The following TBC1D32 variants were observed in gnomAD, a reference collection of about 807,000 sequenced individuals.
TBC1D32 encodes the protein TBC1 domain family member 32, also known as protein broad-minded.
TBC1D32 carries 151 observed loss-of-function variants against 170.3 expected under a neutral mutation model. The ratio of observed to expected loss-of-function variants is 0.89; its 90% CI spans 0.78 to 1.01. TBC1D32 has a LOEUF of 1.01. Among genes scored for constraint, TBC1D32 ranks in the 50% least tolerant of loss-of-function variants. The probability of loss-of-function intolerance (pLI) is 0.00; values close to 1 mark genes in which losing one functional copy is unlikely to be tolerated. For missense variants in TBC1D32, 1,464 were observed against 1,457.1 expected (o/e 1.00, Z -0.08); for synonymous variants, 498 against 488.0 (o/e 1.02, Z -0.27).
chr6:121,183,864 GGCT>G (rs1405325029), intron 22 of TBC1D32, among the ~76,000 whole-genome samples: 2 of 151,898 alleles, frequency 1.3e-5, no homozygotes, highest in Non-Finnish European at 2.9e-5. Context: ...ATGATTTTAT[GGCT>G]GCTATCAAAA....
At chr6:121,240,591 T>C (rs1796848184) in intron 19 of TBC1D32, among the ~76,000 whole-genome samples, 1 of 151,700 alleles carries the variant, frequency 6.6e-6, no homozygotes. Flanking sequence ...CAGATAACCT[T>C]AATATAAGAC....
At chr6:121,305,066 G>A (rs1260404572) in intron 5 of TBC1D32, among the ~76,000 whole-genome samples, 4 of 152,110 alleles carry the variant, frequency 2.6e-5, no homozygotes, top group South Asian at 2.1e-4. Flanking sequence ...TGCACAATCC[G>A]GTCATAGTAT....
intron 22 of TBC1D32, among the ~76,000 whole-genome samples, chr6:121,174,435 G>A (rs778813260): frequency 2.0e-5 from 3 of 152,080 alleles, no homozygotes; most frequent in East Asian, 1.9e-4. Flanking sequence ...GAGTCAGCAC[G>A]GAGACAGAAC....
intron 12 of TBC1D32, among the ~76,000 whole-genome samples, chr6:121,288,370 A>G (rs541074572): frequency 6.6e-6 from 1 of 152,336 alleles, no homozygotes; most frequent in South Asian, 2.1e-4. Context: ...GAATACTATA[A>G]ACACCTCTAC....
intron 3 of TBC1D32, among the ~76,000 whole-genome samples, chr6:121,311,184 A>T (rs1808138542): frequency 6.6e-6 from 1 of 152,134 alleles, no homozygotes; most frequent in South Asian, 2.1e-4. Flanking sequence ...CAAAACAAGT[A>T]AAAAAAGAGC....
chr6:121,151,261 C>G (rs187766566), intron 24 of TBC1D32, among the ~76,000 whole-genome samples: 1 of 152,210 alleles, frequency 6.6e-6, no homozygotes, highest in Admixed American at 6.5e-5. Flanking sequence ...ATTATTTACC[C>G]AGTAGTCATG....
intron 29 of TBC1D32, among the ~76,000 whole-genome samples, chr6:121,109,461 G>A (rs9320790): frequency 0.073 from 11,096 of 152,078 alleles, 441 homozygotes; most frequent in South Asian, 0.15. Context: ...CTTTTACAGA[G>A]AAAGGAAATT....
intron 12 of TBC1D32, among the ~76,000 whole-genome samples, chr6:121,290,981 T>TCA (rs71018124): frequency 1 from 151,815 of 152,022 alleles, 75,804 homozygotes; most frequent in Middle Eastern, 1. Flanking sequence ...AAGGGGAGCA[T>TCA]CACACTGGGG....
chr6:121,122,044 C>T (rs1472122497), intron 26 of TBC1D32, among the ~76,000 whole-genome samples: 1 of 151,976 alleles, frequency 6.6e-6, no homozygotes, highest in East Asian at 1.9e-4. Flanking sequence ...ATCTCCCCTT[C>T]CTTTCCTATT....
intron 22 of TBC1D32, among the ~76,000 whole-genome samples, chr6:121,169,069 T>C (rs994546031): frequency 6.6e-6 from 1 of 152,124 alleles, no homozygotes; most frequent in Admixed American, 6.6e-5. Flanking sequence ...AAAAAAATAT[T>C]TTAAAATTCA....
chr6:121,328,086 G>A (rs1445988394), intron 1 of TBC1D32, among the ~76,000 whole-genome samples: 2 of 151,962 alleles, frequency 1.3e-5, no homozygotes, highest in African/African-American at 2.4e-5. Context: ...CTTTAAGCAG[G>A]CTGTTAACAT....
At chr6:121,135,996 T>C (rs773643297) in intron 24 of TBC1D32, among the ~76,000 whole-genome samples, 2 of 151,958 alleles carry the variant, frequency 1.3e-5, no homozygotes, top group African/African-American at 2.4e-5. Context: ...AATTTAGCAC[T>C]CAATGTAAAG....
intron 16 of TBC1D32, among the ~76,000 whole-genome samples, chr6:121,255,858 A>T (rs1283207759): frequency 6.6e-6 from 1 of 152,124 alleles, no homozygotes; most frequent in Non-Finnish European, 1.5e-5. Flanking sequence ...GAAGAAAAGA[A>T]TCTGTAGTAC....
chr6:121,257,608 A>T (rs1467193680), intron 15 of TBC1D32, among the ~76,000 whole-genome samples: 2 of 152,138 alleles, frequency 1.3e-5, no homozygotes, highest in Non-Finnish European at 2.9e-5. Context: ...AAATGCTTAA[A>T]TTTTCTTTTT....
chr6:121,179,674 A>T (rs1490499325), intron 22 of TBC1D32, among the ~76,000 whole-genome samples: 1 of 151,648 alleles, frequency 6.6e-6, no homozygotes, highest in Non-Finnish European at 1.5e-5. Flanking sequence ...TATAAATTTA[A>T]ATAAACATTA....
intron 4 of TBC1D32, 99 bp downstream of exon 4, chr6:121,310,680 T>C: frequency 1.3e-6 from 1 of 779,668 alleles, no homozygotes. Context: ...CATAAAGGCT[T>C]AGCCTCAAGG....
At chr6:121,215,829 TTATCAA>T (rs1270311312) in intron 21 of TBC1D32, among the ~76,000 whole-genome samples, 3 of 152,296 alleles carry the variant, frequency 2.0e-5, no homozygotes, top group Middle Eastern at 3.4e-3. Context: ...AGAATGGCTA[TTATCAA>T]AAAAGTAAAA....
At position 121,294,551 on chromosome 6, in the gene TBC1D32, T is replaced by C; in HGVS notation, c.1231+19A>G. On this transcript the variant is annotated intron_variant, in intron 11 of 31. Coordinates refer to ENST00000398212, the MANE Select transcript of TBC1D32 (RefSeq NM_152730.6). ...ATTTACCATTTTTAAAAGTATGTAA[T>C]AGAGGAAATAATACTTACTGCAATG... 1 of 1,569,184 alleles carries C rather than the reference T, an allele frequency of 6.4e-7. No homozygotes were observed. Among genetic ancestry groups the C allele is most frequent in the Non-Finnish European group, 8.7e-7 (1 of 1,150,060 alleles).
intron 26 of TBC1D32, among the ~76,000 whole-genome samples, chr6:121,121,714 T>C (rs536601360): frequency 1.2e-3 from 190 of 152,156 alleles, no homozygotes; most frequent in African/African-American, 4.5e-3. Flanking sequence ...TCCTCCATCA[T>C]TCTTTTATCC....
Sources: gnomAD v4.1 joint callset for allele counts (sites outside exome capture counted in the v4.1 genomes callset) on GRCh38, gnomAD v4.1.1 for gene constraint, MANE v1.5 for transcripts, NCBI Gene and HGNC (gene_info 2026-07-23, HGNC 2026-07-21) for gene names.